NEGR1: variants seen among roughly 807,000 people sequenced by gnomAD.
NEGR1 encodes IgLON family member 4.
In NEGR1, 10 loss-of-function variants were observed where a neutral mutation model predicts 40.9. That is an observed-to-expected ratio of 0.24 (90% CI 0.15 to 0.42). The LOEUF (loss-of-function observed/expected upper bound fraction) is 0.42. Ranked by LOEUF, NEGR1 falls within the 10% of genes least tolerant of loss-of-function variation. The pLI, the probability that NEGR1 is intolerant of heterozygous loss-of-function variation, is 1.00. For synonymous variants in NEGR1, 185 were observed against 166.8 expected (o/e 1.11, Z -0.84); for missense variants, 352 against 438.9 (o/e 0.80, Z 1.77).
chr1:72,107,947 C>A (rs76844550), intron 1 of NEGR1, among the ~76,000 whole-genome samples: 1 of 151,426 alleles, frequency 6.6e-6, no homozygotes, highest in Non-Finnish European at 1.5e-5. Context: ...TTATTCTATT[C>A]TATTTCCTGA....
At chr1:71,522,730 T>C (rs201558497) in intron 6 of NEGR1, among the ~76,000 whole-genome samples, 2 of 144,382 alleles carry the variant, frequency 1.4e-5, no homozygotes, top group African/African-American at 2.6e-5. Context: ...ACCCCCCCCT[T>C]ACACACACAC....
intron 1 of NEGR1, among the ~76,000 whole-genome samples, chr1:72,276,687 A>C (rs1388361899): frequency 6.6e-6 from 1 of 152,132 alleles, no homozygotes; most frequent in Non-Finnish European, 1.5e-5. Context: ...TTAAAAAACT[A>C]TTACATCCAG....
chr1:71,959,065 A>G (rs1646142098), intron 1 of NEGR1, among the ~76,000 whole-genome samples: 1 of 152,058 alleles, frequency 6.6e-6, no homozygotes, highest in African/African-American at 2.4e-5. Flanking sequence ...ATCTCACAGT[A>G]TTTTTTGTTT....
chr1:71,671,199 A>G (rs550995656), intron 4 of NEGR1, among the ~76,000 whole-genome samples: 54 of 152,242 alleles, frequency 3.5e-4, no homozygotes, highest in Middle Eastern at 3.4e-3. Context: ...ATTCCACTTG[A>G]TTTGTCGTGG....
At chr1:72,051,612 G>A (rs1216453279) in intron 1 of NEGR1, among the ~76,000 whole-genome samples, 1 of 151,450 alleles carries the variant, frequency 6.6e-6, no homozygotes, top group African/African-American at 2.4e-5. Context: ...AAGTTTATTT[G>A]CCAAGAAAAA....
At chr1:72,264,664 T>A (rs1655579998) in intron 1 of NEGR1, among the ~76,000 whole-genome samples, 1 of 150,746 alleles carries the variant, frequency 6.6e-6, no homozygotes, top group Admixed American at 6.6e-5. Flanking sequence ...TAGAGTAGTA[T>A]TTTAGTTCTT....
At chr1:71,945,720 C>T (rs978962126) in intron 1 of NEGR1, among the ~76,000 whole-genome samples, 1 of 151,974 alleles carries the variant, frequency 6.6e-6, no homozygotes, top group Non-Finnish European at 1.5e-5. Flanking sequence ...CATTCAGAAA[C>T]CATATTCCTA....
chr1:71,953,457 AC>A (rs913328285), intron 1 of NEGR1, among the ~76,000 whole-genome samples: 25 of 151,930 alleles, frequency 1.6e-4, no homozygotes, highest in African/African-American at 6.0e-4. Context: ...GATGGTATCT[AC>A]CCCTGGGGTA....
chr1:71,521,099 G>A (rs756866857), intron 6 of NEGR1, among the ~76,000 whole-genome samples: 10 of 151,958 alleles, frequency 6.6e-5, no homozygotes, highest in Non-Finnish European at 1.2e-4. Flanking sequence ...TCTCTTAGTT[G>A]AGCTTATTTC....
At chr1:71,589,035 C>A (rs1356125390) in intron 6 of NEGR1, among the ~76,000 whole-genome samples, 3 of 152,104 alleles carry the variant, frequency 2.0e-5, no homozygotes, top group Non-Finnish European at 4.4e-5. Flanking sequence ...ATTTCCTCAT[C>A]TATTTATTTA....
At chr1:71,731,310 C>G (rs1654859984) in intron 3 of NEGR1, among the ~76,000 whole-genome samples, 1 of 152,164 alleles carries the variant, frequency 6.6e-6, no homozygotes, top group Admixed American at 6.5e-5. Context: ...CAGAAGCCCC[C>G]TCTACTCAGA....
chr1:72,166,056 G>A (rs1651752123), intron 1 of NEGR1, among the ~76,000 whole-genome samples: 1 of 151,918 alleles, frequency 6.6e-6, no homozygotes, highest in Non-Finnish European at 1.5e-5. Flanking sequence ...TAGAGACCGG[G>A]CACCTCTTTC....
chr1:71,602,238 C>CTTTTTTTTT (rs386367303), intron 5 of NEGR1, among the ~76,000 whole-genome samples: 3 of 64,538 alleles, frequency 4.6e-5, no homozygotes, highest in African/African-American at 5.8e-5. Context: ...CATGATTATT[C>CTTTTTTTTT]TTTTTTTTTT....
chr1:71,840,377 G>T (rs1220763899), intron 2 of NEGR1, among the ~76,000 whole-genome samples: 1 of 151,220 alleles, frequency 6.6e-6, no homozygotes, highest in African/African-American at 2.4e-5. Context: ...TTCATCTCTA[G>T]AATTGAAAAA....
At chr1:72,227,281 G>C (rs564390069) in intron 1 of NEGR1, among the ~76,000 whole-genome samples, 8 of 151,988 alleles carry the variant, frequency 5.3e-5, no homozygotes, top group Non-Finnish European at 1.2e-4. Context: ...TCAAATAGGC[G>C]GTAGGGAAAG....
chr1:71,531,814 T>C (rs1470969554), intron 6 of NEGR1, among the ~76,000 whole-genome samples: 1 of 151,454 alleles, frequency 6.6e-6, no homozygotes, highest in African/African-American at 2.4e-5. Context: ...AAATATATAA[T>C]CATAGACTTG....
chr1:72,226,621 G>C (rs1309752320), intron 1 of NEGR1, among the ~76,000 whole-genome samples: 1 of 151,876 alleles, frequency 6.6e-6, no homozygotes, highest in Non-Finnish European at 1.5e-5. Flanking sequence ...TCGGCCATTG[G>C]TGATAACCAT....
Position 71,396,706 on chromosome 1 carries a change from A to T in NEGR1, c.*10740T>A, listed in dbSNP as rs1453309625. 1 of 153,644 alleles carries T rather than the reference A, an allele frequency of 6.5e-6. No homozygotes were observed. The highest frequency in any genetic ancestry group is 1.4e-5 in the Non-Finnish European group (1 of 69,206). 9.5% of individuals were successfully genotyped at this position (153,644 alleles called of 1,614,324 possible). A position where few individuals can be genotyped will look rare whatever the true frequency, so the allele number is the denominator to read the frequency against. On this transcript the variant is annotated 3_prime_UTR_variant, in exon 7 of 7. Coordinates refer to ENST00000357731, the MANE Select transcript of NEGR1 (RefSeq NM_173808.3). ...GTCTCATGAGATCTGATGGTTTTAT[A>T]AGCGGGAGTTTTCCTTCACAAGTTC...
intron 1 of NEGR1, among the ~76,000 whole-genome samples, chr1:72,180,416 A>T (rs1315081271): frequency 6.2e-5 from 6 of 97,420 alleles, no homozygotes; most frequent in Non-Finnish European, 1.3e-4. Context: ...AGTGATATTT[A>T]AAAAAAAAAA....
Sources: allele counts gnomAD v4.1 joint callset (sites outside exome capture counted in the v4.1 genomes callset), GRCh38; gene constraint gnomAD v4.1.1; transcripts MANE v1.5; gene names NCBI Gene and HGNC (gene_info 2026-07-23, HGNC 2026-07-21).